The following BNC2 variants were observed in gnomAD, a reference collection of about 807,000 sequenced individuals.
BNC2 encodes the protein basonuclin zinc finger protein 2.
In BNC2, 20 loss-of-function variants were observed where a neutral mutation model predicts 76.3. The ratio of observed to expected loss-of-function variants is 0.26; its 90% CI spans 0.18 to 0.38. BNC2 has a LOEUF of 0.38. Among genes scored for constraint, BNC2 ranks in the 10% least tolerant of loss-of-function variants. The pLI is 1.00. For missense variants in BNC2, 1,382 were observed against 1,399.8 expected (o/e 0.99, Z 0.20); for synonymous variants, 582 against 514.8 (o/e 1.13, Z -1.77).
At chr9:16,462,351 C>A (rs1042094319) in intron 5 of BNC2, among the ~76,000 whole-genome samples, 1 of 152,096 alleles carries the variant, frequency 6.6e-6, no homozygotes, top group Non-Finnish European at 1.5e-5. Context: ...TGAGATTCTG[C>A]CCCCAACTTT....
At chr9:16,800,035 G>A (rs752196068) in intron 1 of BNC2, among the ~76,000 whole-genome samples, 5 of 151,996 alleles carry the variant, frequency 3.3e-5, no homozygotes, top group Non-Finnish European at 7.4e-5. Flanking sequence ...GACCAGCCTG[G>A]ACAACATGGG....
rs138000896 is a variant in BNC2 at position 16,419,501 on chromosome 9, C to T, written c.2788G>A (p.Asp930Asn). 6.6e-5 allele frequency: 106 copies of T among 1,614,122 alleles called. No individual in the cohort carries two copies. Among genetic ancestry groups the T allele is most frequent in the African/African-American group, 6.0e-4 (45 of 75,028 alleles). Residue 930 changes from aspartate to asparagine, a missense_variant, in exon 7 of 7, where the codon GAT becomes AAT. Around this residue, in one of 3 missense-constraint regions of BNC2, gnomAD observed 798 missense variants for 775.5 expected, o/e 1.03. Transcript: ENST00000380672. ...IYGAQHPMGL[D>N]VREDASSPAG... The stretch of plus-strand genomic sequence containing the variant: ...GGAGAGGAGGCGTCTTCCCTGACAT[C>T]GAGCCCCATGGGGTGCTGGGCACCA...
At chr9:16,754,471 T>A (rs1347511283) in intron 1 of BNC2, among the ~76,000 whole-genome samples, 1 of 152,256 alleles carries the variant, frequency 6.6e-6, no homozygotes, top group Non-Finnish European at 1.5e-5. Flanking sequence ...GATCTAAATG[T>A]TCTTGTAAAT....
chr9:16,435,420 C>G, intron 6 of BNC2, 135 bp downstream of exon 6: 2 of 1,085,006 alleles, frequency 1.8e-6, no homozygotes, highest in Non-Finnish European at 2.8e-6. Flanking sequence ...GCCTAGTTAT[C>G]ACATGATCAC....
chr9:16,519,916 C>T (rs966285121), intron 5 of BNC2, among the ~76,000 whole-genome samples: 2 of 152,158 alleles, frequency 1.3e-5, no homozygotes, highest in African/African-American at 4.8e-5. Context: ...ACCATACCCA[C>T]GAGACAGTCA....
At chr9:16,662,002 A>G (rs76605207) in intron 3 of BNC2, among the ~76,000 whole-genome samples, 1 of 152,340 alleles carries the variant, frequency 6.6e-6, no homozygotes, top group African/African-American at 2.4e-5. Context: ...ACCACTAGTT[A>G]TTTCGAACAG....
rs1820445615 is a variant in BNC2 at position 16,410,887 on chromosome 9, T to C, written c.*8102A>G. On this transcript the variant is annotated 3_prime_UTR_variant, in exon 7 of 7. Coordinates refer to ENST00000380672, the MANE Select transcript of BNC2 (RefSeq NM_017637.6). ...TAAAAAAAGAAACAGCCTTGGTGTA[T>C]ACATCTCAAGTGAACCTATTAACTC... The C allele has an allele frequency of 6.6e-6, 1 of 152,238 alleles. No homozygotes were observed. Among genetic ancestry groups the C allele is most frequent in the Non-Finnish European group, 1.5e-5 (1 of 68,074 alleles). 9.4% of individuals were successfully genotyped at this position (152,238 alleles called of 1,614,324 possible).
intron 1 of BNC2, among the ~76,000 whole-genome samples, chr9:16,753,257 G>A (rs548428480): frequency 5.3e-5 from 8 of 152,196 alleles, no homozygotes; most frequent in Middle Eastern, 3.4e-3. Flanking sequence ...GCATGTCCTG[G>A]TAAATTTCTA....
Position 16,847,398 on chromosome 9 carries a change from GGGC to G in BNC2, c.3+23245_3+23247del, listed in dbSNP as rs199730651. ...TAAACATCTCTCTGAAGATTTCTCGGGGCGGGGGGGGGGGGGCGGCGGGCAACA... is the reference window on the plus strand; with the variant it reads ...TAAACATCTCTCTGAAGATTTCTCGGGGGGGGGGGGGGGCGGCGGGCAACA... On this transcript the variant is annotated intron_variant, in intron 1 of 6. Transcript: ENST00000380672. 3.1e-4 allele frequency among the ~76,000 whole-genome samples: 12 copies of G among 38,276 alleles called. 2 individuals are homozygous for G. Among genetic ancestry groups the G allele is most frequent in the Admixed American group, 6.6e-4 (3 of 4,546 alleles). The allele number at this position is 38,276 out of a possible 152,430, so 25.1% of individuals were successfully genotyped here.
At chr9:16,738,276 G>A (rs1295958822) in intron 2 of BNC2, 84 bp downstream of exon 2, 1 of 1,430,900 alleles carries the variant, frequency 7.0e-7, no homozygotes, top group East Asian at 2.3e-5. Context: ...AGAAAGAAGA[G>A]GTGAGAGATA....
At chr9:16,684,301 A>G (rs1207684437) in intron 3 of BNC2, among the ~76,000 whole-genome samples, 1 of 152,206 alleles carries the variant, frequency 6.6e-6, no homozygotes, top group Non-Finnish European at 1.5e-5. Flanking sequence ...TGCATGTCAC[A>G]CACAAGCTGT....
chr9:16,737,578 C>T (rs541532795), intron 2 of BNC2, among the ~76,000 whole-genome samples: 1 of 150,742 alleles, frequency 6.6e-6, no homozygotes, highest in Admixed American at 6.6e-5. Flanking sequence ...TGGGGTCTCG[C>T]TATGTTGCCC....
At chr9:16,706,148 T>C (rs888514461) in intron 3 of BNC2, among the ~76,000 whole-genome samples, 1 of 152,230 alleles carries the variant, frequency 6.6e-6, no homozygotes, top group Non-Finnish European at 1.5e-5. Flanking sequence ...ACAACAGTAC[T>C]AATTTTTGCA....
chr9:16,501,461 C>T (rs911741323), intron 5 of BNC2, among the ~76,000 whole-genome samples: 2 of 152,240 alleles, frequency 1.3e-5, no homozygotes, highest in Middle Eastern at 3.4e-3. Context: ...CCATCACAAC[C>T]ACTCAGTGAG....
At chr9:16,658,165 A>C (rs911426281) in intron 3 of BNC2, among the ~76,000 whole-genome samples, 1 of 152,196 alleles carries the variant, frequency 6.6e-6, no homozygotes, top group Non-Finnish European at 1.5e-5. Context: ...AAATTCTCCA[A>C]ATCAGTAATA....
At chr9:16,488,714 C>T (rs891857322) in intron 5 of BNC2, among the ~76,000 whole-genome samples, 3 of 152,022 alleles carry the variant, frequency 2.0e-5, no homozygotes, top group Non-Finnish European at 4.4e-5. Flanking sequence ...ATCTTAATCC[C>T]GATCATTCAG....
At chr9:16,822,502 T>C (rs1818361725) in intron 1 of BNC2, among the ~76,000 whole-genome samples, 1 of 152,136 alleles carries the variant, frequency 6.6e-6, no homozygotes, top group Admixed American at 6.6e-5. Context: ...AACTAGTTAG[T>C]TTCCCCCAGT....
At chr9:16,832,757 C>G (rs1219727625) in intron 1 of BNC2, among the ~76,000 whole-genome samples, 1 of 151,770 alleles carries the variant, frequency 6.6e-6, no homozygotes, top group African/African-American at 2.4e-5. Flanking sequence ...GATGGAGTCT[C>G]GCTCTGTCAC....
At chr9:16,852,206 C>T (rs1374179332) in intron 1 of BNC2, among the ~76,000 whole-genome samples, 1 of 152,130 alleles carries the variant, frequency 6.6e-6, no homozygotes. Flanking sequence ...CAATGTTCCC[C>T]TTATATATAT....
Sources: allele counts gnomAD v4.1 joint callset (sites outside exome capture counted in the v4.1 genomes callset), GRCh38; gene constraint gnomAD v4.1.1; regional missense constraint gnomAD v4.1.1; transcripts MANE v1.5; gene names NCBI Gene and HGNC (gene_info 2026-07-23, HGNC 2026-07-21).